Variants in TASP1 observed in about 807,000 individuals in gnomAD.
TASP1 encodes the protein threonine aspartase 1.
A neutral mutation model predicts 56.6 loss-of-function variants in TASP1; 16 were observed. That is an observed-to-expected ratio of 0.28 (90% CI 0.19 to 0.43). The LOEUF is 0.43. Ranked by LOEUF, TASP1 falls within the 20% of genes least tolerant of loss-of-function variation. The pLI is 1.00. For missense variants in TASP1, 393 were observed against 511.6 expected (o/e 0.77, Z 2.24); for synonymous variants, 179 against 184.2 (o/e 0.97, Z 0.23).
intron 10 of TASP1, among the ~76,000 whole-genome samples, chr20:13,510,079 A>C (rs149322881): frequency 6.6e-6 from 1 of 152,158 alleles, no homozygotes; most frequent in Non-Finnish European, 1.5e-5. Flanking sequence ...TGAACCTAAA[A>C]TGAAAGTTAA....
intron 10 of TASP1, among the ~76,000 whole-genome samples, 162 bp from the exon 11 acceptor site, chr20:13,483,499 T>C (rs2043213991): frequency 6.6e-6 from 1 of 152,184 alleles, no homozygotes; most frequent in African/African-American, 2.4e-5. Context: ...CTGGTAATTT[T>C]AGTAAAGAGA....
chr20:13,350,226 G>A, the TASP1 span, among the ~76,000 whole-genome samples: 1 of 152,034 alleles, frequency 6.6e-6, no homozygotes, highest in South Asian at 2.1e-4. Flanking sequence ...AAAAACTAAT[G>A]AAAGAAAGAA....
the TASP1 span, among the ~76,000 whole-genome samples, chr20:13,180,632 G>GAAGTAGACT: frequency 6.6e-6 from 1 of 152,096 alleles, no homozygotes; most frequent in Non-Finnish European, 1.5e-5. Context: ...TAAAGATGAG[G>GAAGTAGACT]AAGTAGACTA....
At chr20:13,448,390 T>C (rs2043490766) in intron 11 of TASP1, among the ~76,000 whole-genome samples, 1 of 152,170 alleles carries the variant, frequency 6.6e-6, no homozygotes, top group Non-Finnish European at 1.5e-5. Context: ...GCTGCTTTCA[T>C]ATCATTTTTC....
At chr20:13,304,888 C>G in the TASP1 span, among the ~76,000 whole-genome samples, 805 of 152,248 alleles carry the variant, frequency 5.3e-3, 12 homozygotes, top group African/African-American at 0.018. Context: ...CCCCACTTCC[C>G]TACTAGTACT....
intron 11 of TASP1, among the ~76,000 whole-genome samples, chr20:13,461,721 G>T (rs2044059219): frequency 6.6e-6 from 1 of 152,124 alleles, no homozygotes; most frequent in Admixed American, 6.6e-5. Flanking sequence ...GATTGAACCT[G>T]CAGGCCATAG....
At chr20:13,432,548 T>C (rs1187077606) in intron 12 of TASP1, among the ~76,000 whole-genome samples, 2 of 152,362 alleles carry the variant, frequency 1.3e-5, no homozygotes, top group East Asian at 3.9e-4. Context: ...ACATAATTGG[T>C]AGCATCTATA....
At chr20:13,196,874 C>T in the TASP1 span, among the ~76,000 whole-genome samples, 1 of 152,132 alleles carries the variant, frequency 6.6e-6, no homozygotes. Context: ...GTCATCAAAG[C>T]ACTTTGTCAC....
chr20:13,402,974 T>A (rs6131471), intron 13 of TASP1, among the ~76,000 whole-genome samples: 4 of 151,990 alleles, frequency 2.6e-5, no homozygotes, highest in Non-Finnish European at 4.4e-5. Context: ...ATGGGTGAGC[T>A]TAAAAGAAAT....
intron 10 of TASP1, among the ~76,000 whole-genome samples, chr20:13,497,072 C>G (rs1256849352): frequency 6.6e-6 from 1 of 152,194 alleles, no homozygotes. Flanking sequence ...CTAAACAAGG[C>G]TGAATCCATT....
At chr20:13,279,618 G>A in the TASP1 span, 2 of 1,607,256 alleles carry the variant, frequency 1.2e-6, no homozygotes. Flanking sequence ...ACCCCAGCCT[G>A]TTCTGAATTC....
chr20:13,481,460 T>C (rs929083016), intron 11 of TASP1, among the ~76,000 whole-genome samples: 1 of 152,166 alleles, frequency 6.6e-6, no homozygotes, highest in African/African-American at 2.4e-5. Context: ...CTGGATCACA[T>C]GGTAGCTCTA....
chr20:13,635,159 G>A (rs1362871000), intron 1 of TASP1, among the ~76,000 whole-genome samples: 1 of 152,114 alleles, frequency 6.6e-6, no homozygotes, highest in Non-Finnish European at 1.5e-5. Flanking sequence ...CATTTTAAAT[G>A]GGTAAACTGA....
At chr20:13,622,646 C>G (rs1211271295) in intron 4 of TASP1, among the ~76,000 whole-genome samples, 1 of 152,128 alleles carries the variant, frequency 6.6e-6, no homozygotes, top group Non-Finnish European at 1.5e-5. Context: ...ATACAAGGGC[C>G]ACAACCCAGT....
chr20:13,604,740 C>T (rs1237592577), intron 4 of TASP1, among the ~76,000 whole-genome samples: 2 of 152,166 alleles, frequency 1.3e-5, no homozygotes, highest in Middle Eastern at 3.4e-3. Flanking sequence ...TATATAACCA[C>T]TAAAATGACT....
At chr20:13,210,446 T>C in the TASP1 span, among the ~76,000 whole-genome samples, 1 of 152,304 alleles carries the variant, frequency 6.6e-6, no homozygotes, top group Non-Finnish European at 1.5e-5. Flanking sequence ...TATATATTCA[T>C]ACAGGAACAT....
At chr20:13,498,460 G>C (rs1352477582) in intron 10 of TASP1, among the ~76,000 whole-genome samples, 1 of 151,364 alleles carries the variant, frequency 6.6e-6, no homozygotes, top group East Asian at 2.0e-4. Flanking sequence ...CCAGGTTCAA[G>C]CGATTCTAAT....
At chr20:13,146,310 G>A in the TASP1 span, among the ~76,000 whole-genome samples, 2 of 152,092 alleles carry the variant, frequency 1.3e-5, no homozygotes, top group Admixed American at 1.3e-4. Flanking sequence ...AGGAGCAGAA[G>A]AGAGAACTAT....
At chr20:13,625,613 T>C (rs2048861602) in intron 2 of TASP1, among the ~76,000 whole-genome samples, 1 of 152,238 alleles carries the variant, frequency 6.6e-6, no homozygotes. Flanking sequence ...GGTTCCTCTC[T>C]GCTGACTGTC....
Sources: gnomAD v4.1 joint callset for allele counts (sites outside exome capture counted in the v4.1 genomes callset) on GRCh38, gnomAD v4.1.1 for gene constraint, MANE v1.5 for transcripts, NCBI Gene and HGNC (gene_info 2026-07-23, HGNC 2026-07-21) for gene names.